CARF: variants seen among roughly 807,000 people sequenced by gnomAD.
CARF encodes the protein calcium-responsive transcription factor.
A neutral mutation model predicts 82.0 loss-of-function variants in CARF; 57 were observed. The observed-to-expected ratio is 0.70, with a 90% CI of 0.56 to 0.87. The LOEUF (loss-of-function observed/expected upper bound fraction) is 0.87, where lower values mean the gene tolerates loss of function less well. CARF is among the 40% of genes least tolerant of loss of function. The pLI is 0.00. For missense variants in CARF, 771 were observed against 855.8 expected (o/e 0.90, Z 1.24); for synonymous variants, 268 against 290.1 (o/e 0.92, Z 0.77).
At chr2:202,957,900 C>T (rs2059124101) in intron 8 of CARF, among the ~76,000 whole-genome samples, 1 of 151,828 alleles carries the variant, frequency 6.6e-6, no homozygotes, top group African/African-American at 2.4e-5. Flanking sequence ...GAGCCAACAT[C>T]ACGCCACTGC....
Position 202,987,798 on chromosome 2 carries a change from T to C in CARF, c.*4174T>C, listed in dbSNP as rs1032503857. Among the ~76,000 whole-genome samples the C allele has an allele frequency of 4.6e-5, 7 of 152,206 alleles. No individual in the cohort carries two copies. The highest frequency in any genetic ancestry group is 2.6e-4 in the Admixed American group (4 of 15,288). ...GAATCATGTACCAGGAGGGATTTTA[T>C]TTTTAAATATCTTTATTGAGGTATA... On this transcript the variant is annotated 3_prime_UTR_variant, in exon 17 of 17. Transcript: ENST00000438828.
chr2:202,939,685 C>CTTTT (rs749966536), intron 3 of CARF, among the ~76,000 whole-genome samples: 28 of 104,906 alleles, frequency 2.7e-4, no homozygotes, highest in African/African-American at 3.6e-4. Context: ...GCCTTTTTTT[C>CTTTT]TTTTTTTTTT....
At chr2:202,923,822 A>G (rs1265417588) in intron 2 of CARF, among the ~76,000 whole-genome samples, 1 of 152,216 alleles carries the variant, frequency 6.6e-6, no homozygotes, top group Non-Finnish European at 1.5e-5. Flanking sequence ...ATAAACCCAC[A>G]TACGTAACAG....
intron 9 of CARF, among the ~76,000 whole-genome samples, chr2:202,963,335 T>C (rs909306983): frequency 6.8e-5 from 10 of 148,078 alleles, no homozygotes; most frequent in Non-Finnish European, 9.0e-5. Context: ...AAAAAAAAAT[T>C]GCTCTCAAAA....
In CARF at chr2:202,977,380, A is replaced by G. The variant is rs199989647; in HGVS notation, c.1558+48A>G. The G allele has an allele frequency of 8.0e-5, 109 of 1,357,054 alleles. No individual in the cohort carries two copies. The African/African-American group carries it at 1.4e-3, about 18-fold the overall frequency. 84.1% of individuals were successfully genotyped at this position (1,357,054 alleles called of 1,614,324 possible). On this transcript the variant is annotated intron_variant, in intron 14 of 16. Transcript: ENST00000438828. The stretch of plus-strand genomic sequence containing the variant: ...AAAATATAAATTCAAATGGTGTTTA[A>G]CTGGAAGGAACTTAAGATATTATCT...
chr2:202,936,685 A>T (rs1694001253), intron 3 of CARF, among the ~76,000 whole-genome samples: 1 of 152,148 alleles, frequency 6.6e-6, no homozygotes, highest in South Asian at 2.1e-4. Context: ...GTTGAATTGT[A>T]TGAGTTCTTT....
At chr2:202,959,383 G>C (rs1201281075) in intron 8 of CARF, among the ~76,000 whole-genome samples, 2 of 152,066 alleles carry the variant, frequency 1.3e-5, no homozygotes, top group Non-Finnish European at 2.9e-5. Flanking sequence ...CTTTCTATTT[G>C]TTAAATGTAT....
At chr2:202,940,732 C>CA (rs1469943944) in intron 3 of CARF, among the ~76,000 whole-genome samples, 3 of 152,022 alleles carry the variant, frequency 2.0e-5, no homozygotes, top group Non-Finnish European at 4.4e-5. Context: ...TTCTTAGCCA[C>CA]AAAACTAATG....
At chr2:202,931,612 G>C (rs973543334) in intron 3 of CARF, among the ~76,000 whole-genome samples, 1 of 152,198 alleles carries the variant, frequency 6.6e-6, no homozygotes, top group Non-Finnish European at 1.5e-5. Flanking sequence ...TGTAGAGAAA[G>C]ACACTCACCT....
intron 5 of CARF, among the ~76,000 whole-genome samples, chr2:202,952,160 A>G (rs2058785184): frequency 6.6e-6 from 1 of 152,184 alleles, no homozygotes; most frequent in South Asian, 2.1e-4. Context: ...ACGAAGGAAG[A>G]TGACTTTAAA....
chr2:202,966,491 C>G (rs554331003), intron 9 of CARF, among the ~76,000 whole-genome samples: 1 of 152,138 alleles, frequency 6.6e-6, no homozygotes. Context: ...GCAGGCGGTT[C>G]ACTTGAGTTT....
chr2:202,973,638 C>T, intron 12 of CARF: 1 of 289,066 alleles, frequency 3.5e-6, no homozygotes, highest in Non-Finnish European at 6.8e-6. Context: ...TTAGTTCTAT[C>T]ATCTGTAAAG....
At chr2:202,918,075 C>G (rs777305889) in intron 2 of CARF, 32 bp downstream of exon 2, 1 of 441,838 alleles carries the variant, frequency 2.3e-6, no homozygotes, top group South Asian at 1.6e-5. Flanking sequence ...AAAGTAACAA[C>G]TTTATTTTAA....
At chr2:202,950,824 T>C (rs796830309) in intron 5 of CARF, among the ~76,000 whole-genome samples, 9 of 152,322 alleles carry the variant, frequency 5.9e-5, no homozygotes, top group African/African-American at 2.2e-4. Context: ...TGTCATCAGT[T>C]TGCAGTTGCT....
At chr2:202,972,378 G>C (rs1292315319) in intron 12 of CARF, among the ~76,000 whole-genome samples, 1 of 151,858 alleles carries the variant, frequency 6.6e-6, no homozygotes, top group African/African-American at 2.4e-5. Context: ...TAAATAATTG[G>C]CTTAAGAGGC....
chr2:202,983,307 G>A (rs919544176), intron 16 of CARF, among the ~76,000 whole-genome samples, 199 bp from the exon 17 acceptor site: 1 of 152,156 alleles, frequency 6.6e-6, no homozygotes, highest in Admixed American at 6.6e-5. Flanking sequence ...AGTAAACTCT[G>A]TTAACTCCTA....
chr2:202,930,181 G>A (rs183818355), intron 3 of CARF, among the ~76,000 whole-genome samples: 5 of 152,182 alleles, frequency 3.3e-5, no homozygotes, highest in Non-Finnish European at 5.9e-5. Context: ...CTGAATAGCC[G>A]GAATTATAGT....
chr2:202,977,370 A>C, intron 14 of CARF, 38 bp downstream of exon 14: 1 of 1,467,644 alleles, frequency 6.8e-7, no homozygotes, highest in Non-Finnish European at 9.5e-7. Flanking sequence ...ATAAATTCAA[A>C]TGGTGTTTAA....
At chr2:202,943,762 C>T (rs777166208) in intron 5 of CARF, among the ~76,000 whole-genome samples, 39 of 152,048 alleles carry the variant, frequency 2.6e-4, no homozygotes, top group Admixed American at 9.2e-4. Flanking sequence ...GTTCTCTTGC[C>T]TCAGCCTCCT....
Sources: gnomAD v4.1 joint callset for allele counts (sites outside exome capture counted in the v4.1 genomes callset) on GRCh38, gnomAD v4.1.1 for gene constraint, MANE v1.5 for transcripts, NCBI Gene and HGNC (gene_info 2026-07-23, HGNC 2026-07-21) for gene names.